PRKD3: variants seen among roughly 807,000 people sequenced by gnomAD.
PRKD3 encodes protein kinase D3.
A neutral mutation model predicts 99.2 loss-of-function variants in PRKD3; 47 were observed. The ratio of observed to expected loss-of-function variants is 0.47; its 90% CI spans 0.38 to 0.60. The LOEUF (loss-of-function observed/expected upper bound fraction) is 0.60, where lower values mean the gene tolerates loss of function less well. PRKD3 is among the 20% of genes least tolerant of loss of function. The pLI is 0.00. For missense variants in PRKD3, 1,019 were observed against 1,088.4 expected (o/e 0.94, Z 0.90); for synonymous variants, 392 against 355.4 (o/e 1.10, Z -1.16).
At chr2:37,313,721 C>T (rs1008386881) in intron 2 of PRKD3, among the ~76,000 whole-genome samples, 1 of 152,062 alleles carries the variant, frequency 6.6e-6, no homozygotes, top group African/African-American at 2.4e-5. Context: ...TAAGACAGTC[C>T]CTCACTTAAG....
chr2:37,284,538 G>A (rs1669998532), intron 6 of PRKD3, among the ~76,000 whole-genome samples: 1 of 152,152 alleles, frequency 6.6e-6, no homozygotes, highest in African/African-American at 2.4e-5. Flanking sequence ...TGGCTAGAAT[G>A]TGTACATCTG....
intron 2 of PRKD3, among the ~76,000 whole-genome samples, chr2:37,313,605 A>G (rs897558717): frequency 6.6e-6 from 1 of 152,254 alleles, no homozygotes; most frequent in African/African-American, 2.4e-5. Context: ...CCTACTTTAC[A>G]TAGGAAAACA....
chr2:37,273,916 TTCTG>T (rs1669431924), intron 11 of PRKD3, among the ~76,000 whole-genome samples: 2 of 152,250 alleles, frequency 1.3e-5, no homozygotes, highest in Non-Finnish European at 2.9e-5. Context: ...TTTTAAATAT[TTCTG>T]TATGTTTTAA....
At position 37,316,655 on chromosome 2, in the gene PRKD3, G is replaced by T. The variant is rs2124903799; in HGVS notation, c.-131C>A. On this transcript the variant is annotated 5_prime_UTR_variant, in exon 2 of 19. Transcript: ENST00000234179. ...AGTTGAAAACTTCTTTATTTCCTCT[G>T]TTAAGCCACTCATGCCGATACTTTT... 1 of 1,456,414 alleles carries T rather than the reference G, an allele frequency of 6.9e-7. No individual in the cohort carries two copies. Among genetic ancestry groups the T allele is most frequent in the Non-Finnish European group, 9.0e-7 (1 of 1,112,466 alleles). 90.2% of individuals were successfully genotyped at this position (1,456,414 alleles called of 1,614,324 possible).
intron 2 of PRKD3, among the ~76,000 whole-genome samples, chr2:37,305,671 T>C (rs1360457856): frequency 6.6e-6 from 1 of 152,202 alleles, no homozygotes; most frequent in Non-Finnish European, 1.5e-5. Flanking sequence ...CTCTGTTTTT[T>C]ATAGTTTTTT....
intron 6 of PRKD3, among the ~76,000 whole-genome samples, chr2:37,283,286 A>G (rs1349028424): frequency 6.6e-6 from 1 of 151,862 alleles, no homozygotes; most frequent in African/African-American, 2.4e-5. Context: ...TATATCAGCA[A>G]CTCTTAGCGG....
At chr2:37,315,828 G>A (rs768279317) in intron 2 of PRKD3, among the ~76,000 whole-genome samples, 3 of 152,146 alleles carry the variant, frequency 2.0e-5, no homozygotes, top group Non-Finnish European at 2.9e-5. Flanking sequence ...TGCTCCCCAC[G>A]ATTCTCCTGT....
intron 7 of PRKD3, among the ~76,000 whole-genome samples, chr2:37,281,421 A>G (rs1232701741): frequency 1.3e-5 from 2 of 152,168 alleles, no homozygotes; most frequent in East Asian, 3.8e-4. Context: ...GTTCCCCTTA[A>G]AAATCTTAAC....
chr2:37,292,115 T>A (rs1670457342), intron 3 of PRKD3, among the ~76,000 whole-genome samples: 1 of 152,144 alleles, frequency 6.6e-6, no homozygotes, highest in African/African-American at 2.4e-5. Flanking sequence ...CATTGTAATT[T>A]CCTCTTCCAT....
intron 11 of PRKD3, 125 bp downstream of exon 11, chr2:37,274,296 A>G (rs777360570): frequency 6.3e-5 from 67 of 1,071,856 alleles, no homozygotes; most frequent in Non-Finnish European, 8.5e-5. Context: ...ATTGGTTACT[A>G]AAGTATTGGT....
chr2:37,285,559 C>T (rs540734779), intron 6 of PRKD3, among the ~76,000 whole-genome samples: 1 of 152,190 alleles, frequency 6.6e-6, no homozygotes, highest in African/African-American at 2.4e-5. Context: ...TTGCAGTATG[C>T]TTATATGTGT....
intron 9 of PRKD3, among the ~76,000 whole-genome samples, chr2:37,276,638 A>AT (rs1669582854): frequency 6.6e-6 from 1 of 151,878 alleles, no homozygotes; most frequent in Non-Finnish European, 1.5e-5. Context: ...GCCACATATC[A>AT]TTTTTTAATG....
intron 2 of PRKD3, among the ~76,000 whole-genome samples, chr2:37,294,038 T>C (rs1670566588): frequency 6.6e-6 from 1 of 152,236 alleles, no homozygotes. Context: ...CCTAGTTTCA[T>C]CTCATTTTCT....
chr2:37,256,295 G>A (rs1667929800), intron 17 of PRKD3, among the ~76,000 whole-genome samples: 1 of 152,224 alleles, frequency 6.6e-6, no homozygotes, highest in South Asian at 2.1e-4. Context: ...GGTGGTTAAA[G>A]AGAAGTGTTT....
intron 2 of PRKD3, among the ~76,000 whole-genome samples, chr2:37,311,243 T>C (rs917199004): frequency 2.6e-5 from 4 of 152,190 alleles, no homozygotes; most frequent in African/African-American, 7.2e-5. Context: ...AAAAGTAGGA[T>C]TGAAAATATG....
intron 1 of PRKD3, among the ~76,000 whole-genome samples, chr2:37,323,650 A>C (rs933730036): frequency 3.3e-5 from 5 of 152,178 alleles, no homozygotes; most frequent in Admixed American, 3.3e-4. Context: ...TAAAAATGTA[A>C]GAACGACGAC....
At position 37,272,290 on chromosome 2, in the gene PRKD3, G is replaced by A. The variant is rs138803440; in HGVS notation, c.1704+90C>T. 469 of 1,542,848 alleles carry A rather than the reference G, an allele frequency of 3.0e-4. 1 individual carries two copies. The African/African-American group carries it at 4.7e-3, about 15-fold the overall frequency. ...CAAAGTCTAGCCTAGTACTTTGGGC[G>A]ATGAACCAATTTCTCTAATAAAGAT... On this transcript the variant is annotated intron_variant, in intron 12 of 18. Coordinates refer to ENST00000234179, the MANE Select transcript of PRKD3 (RefSeq NM_005813.6).
At chr2:37,304,196 T>TAA (rs70949750) in intron 2 of PRKD3, among the ~76,000 whole-genome samples, 1,205 of 93,948 alleles carry the variant, frequency 0.013, 12 homozygotes, top group African/African-American at 0.03. Flanking sequence ...AGGTACTTAC[T>TAA]AAAAAAAAAA....
intron 7 of PRKD3, among the ~76,000 whole-genome samples, chr2:37,281,242 T>C (rs1669843871): frequency 6.6e-6 from 1 of 152,158 alleles, no homozygotes; most frequent in Admixed American, 6.5e-5. Context: ...ATAAATGGTG[T>C]TTCGTATCCA....
Sources: gnomAD v4.1 joint callset for allele counts (sites outside exome capture counted in the v4.1 genomes callset) on GRCh38, gnomAD v4.1.1 for gene constraint, MANE v1.5 for transcripts, NCBI Gene and HGNC (gene_info 2026-07-23, HGNC 2026-07-21) for gene names.